GAS7: variants seen among roughly 807,000 people sequenced by gnomAD.
The protein encoded by GAS7 is growth arrest specific 7.
Under a neutral mutation model 71.1 loss-of-function variants are expected in GAS7, and 28 were observed. The ratio of observed to expected loss-of-function variants is 0.39; its 90% CI spans 0.29 to 0.54. The LOEUF is 0.54. Among genes scored for constraint, GAS7 ranks in the 20% least tolerant of loss-of-function variants. The pLI, the probability that GAS7 is intolerant of heterozygous loss-of-function variation, is 0.62. For synonymous variants in GAS7, 258 were observed against 245.8 expected, an observed-to-expected ratio of 1.05 and a Z score of -0.46; for missense variants, 436 against 627.8, an observed-to-expected ratio of 0.69 and a Z score of 3.27.
At chr17:10,132,676 G>A (rs11078833) in intron 1 of GAS7, among the ~76,000 whole-genome samples, 116,671 of 151,876 alleles carry the variant, frequency 0.77, 45,696 homozygotes, top group Non-Finnish European at 0.85. Context: ...GCTGAGGCAC[G>A]AGAGTCGCTT....
chr17:10,087,328 T>C (rs2073530220), intron 1 of GAS7, among the ~76,000 whole-genome samples: 1 of 152,160 alleles, frequency 6.6e-6, no homozygotes, highest in Admixed American at 6.5e-5. Context: ...TGAGGCACAC[T>C]CATGATCAAC....
At chr17:9,931,008 G>A (rs1369252013) in intron 9 of GAS7, among the ~76,000 whole-genome samples, 1 of 152,202 alleles carries the variant, frequency 6.6e-6, no homozygotes, top group African/African-American at 2.4e-5. Flanking sequence ...GCATGTGGTT[G>A]TCCAGGGCCA....
chr17:10,056,628 T>C (rs1022889913), intron 1 of GAS7, among the ~76,000 whole-genome samples: 5 of 152,170 alleles, frequency 3.3e-5, no homozygotes, highest in African/African-American at 7.2e-5. Flanking sequence ...TCCCAGCACT[T>C]TGGGAGGCCA....
chr17:10,054,155 C>T (rs1205984667), intron 1 of GAS7, among the ~76,000 whole-genome samples: 5 of 150,750 alleles, frequency 3.3e-5, no homozygotes, highest in South Asian at 2.1e-4. Flanking sequence ...GAAAGAGACT[C>T]TTTTAACTTT....
chr17:10,009,577 GC>G (rs1312112012), intron 2 of GAS7, among the ~76,000 whole-genome samples: 1 of 150,234 alleles, frequency 6.7e-6, no homozygotes, highest in African/African-American at 2.5e-5. Context: ...TGGTACTCAT[GC>G]CTGTAATCCC....
intron 1 of GAS7, among the ~76,000 whole-genome samples, chr17:10,077,233 A>T (rs148100220): frequency 6.6e-6 from 1 of 152,246 alleles, no homozygotes; most frequent in Non-Finnish European, 1.5e-5. Flanking sequence ...ACAGTAAACG[A>T]CAATAATCAG....
intron 2 of GAS7, among the ~76,000 whole-genome samples, chr17:9,988,425 G>A (rs2070721690): frequency 6.6e-6 from 1 of 152,168 alleles, no homozygotes; most frequent in Non-Finnish European, 1.5e-5. Context: ...ACATTCTCCT[G>A]GAGGCCCCTG....
chr17:9,990,458 A>C (rs1244905862), intron 2 of GAS7, among the ~76,000 whole-genome samples: 1 of 152,090 alleles, frequency 6.6e-6, no homozygotes, highest in Non-Finnish European at 1.5e-5. Flanking sequence ...TGACTGCCAC[A>C]ATCTATTAGT....
intron 1 of GAS7, among the ~76,000 whole-genome samples, chr17:10,136,331 C>T (rs1325133694): frequency 6.6e-6 from 1 of 152,130 alleles, no homozygotes; most frequent in Non-Finnish European, 1.5e-5. Context: ...ACATCCAAAC[C>T]CTTTAGTTAT....
rs571416606 is a variant in GAS7 at position 10,049,492 on chromosome 17, T to C, written c.184-29595A>G. Among the ~76,000 whole-genome samples the C allele has an allele frequency of 1.9e-3, 284 of 152,272 alleles. 1 individual carries two copies. Among genetic ancestry groups the C allele is most frequent in the Middle Eastern group, 6.8e-3 (2 of 292 alleles). On this transcript the variant is annotated intron_variant, in intron 1 of 13. Transcript: ENST00000432992. ...CACATTAACAAAGCTTATCTTTGTATTGGGGGATTCTCCGGTTGTTTCAAT... is the reference window on the plus strand; with the variant it reads ...CACATTAACAAAGCTTATCTTTGTACTGGGGGATTCTCCGGTTGTTTCAAT...
intron 3 of GAS7, among the ~76,000 whole-genome samples, chr17:9,979,207 CCTT>C (rs1184259645): frequency 3.3e-5 from 5 of 152,210 alleles, no homozygotes; most frequent in Non-Finnish European, 7.3e-5. Context: ...ATGTGCCTGT[CCTT>C]CTTCATCCTC....
chr17:10,128,109 G>A (rs1156582312), intron 1 of GAS7, among the ~76,000 whole-genome samples: 1 of 152,200 alleles, frequency 6.6e-6, no homozygotes. Flanking sequence ...GGGCCCCCGA[G>A]TCACACACGG....
chr17:10,153,519 CAAA>C (rs11476862), intron 1 of GAS7, among the ~76,000 whole-genome samples: 18 of 117,700 alleles, frequency 1.5e-4, no homozygotes, highest in African/African-American at 4.4e-4. Context: ...CTTTGACTCA[CAAA>C]AAAAAAAAAA....
intron 1 of GAS7, among the ~76,000 whole-genome samples, chr17:10,194,818 A>T (rs1229127606): frequency 6.7e-6 from 1 of 149,626 alleles, no homozygotes; most frequent in East Asian, 2.0e-4. Context: ...CTCAAAATAC[A>T]ACTGCACTCC....
rs542423696 is a variant in GAS7 at position 9,959,125 on chromosome 17, A to T, written c.525+77T>A. 1 of 1,510,106 alleles carries T rather than the reference A, an allele frequency of 6.6e-7. No individual in the cohort carries two copies. The highest frequency in any genetic ancestry group is 9.0e-7 in the Non-Finnish European group (1 of 1,112,052). 93.5% of individuals were successfully genotyped at this position (1,510,106 alleles called of 1,614,324 possible). A position where few individuals can be genotyped will look rare whatever the true frequency, so the allele number is the denominator to read the frequency against. ...GGGCATCACTTCTGCTTGGCGGTCC[A>T]CATCGCCATGGCAACAGCCCAGCCA... On this transcript the variant is annotated intron_variant, in intron 5 of 13. Coordinates refer to ENST00000432992, the MANE Select transcript of GAS7 (RefSeq NM_201433.2). This position sits in a 1 kb window ranked among gnomAD's most constrained non-coding sequence, Gnocchi z 5.0.
intron 1 of GAS7, among the ~76,000 whole-genome samples, chr17:10,167,139 C>T (rs2074301496): frequency 7.0e-6 from 1 of 143,402 alleles, no homozygotes; most frequent in Admixed American, 7.3e-5. Flanking sequence ...CTCACCGCAA[C>T]CTCCACCGCC....
chr17:10,184,753 G>C (rs1292596001), intron 1 of GAS7, among the ~76,000 whole-genome samples: 1 of 152,154 alleles, frequency 6.6e-6, no homozygotes, highest in Non-Finnish European at 1.5e-5. Context: ...TCACACTTCA[G>C]TGGATGCTAA....
In GAS7 at chr17:9,914,868, G is replaced by A. The variant is rs2067539853; in HGVS notation, c.*2360C>T. The A allele has an allele frequency of 8.6e-6, 2 of 231,756 alleles. No individual in the cohort carries two copies. Among genetic ancestry groups the A allele is most frequent in the Admixed American group, 5.6e-5 (1 of 17,730 alleles). The allele number at this position is 231,756 out of a possible 1,614,324, so 14.4% of individuals were successfully genotyped here. ...TGAATGCAGATTAATCAGAACAACA[G>A]ACTTACCTCTGAAAACTTAAATTCT... On this transcript the variant is annotated 3_prime_UTR_variant, in exon 14 of 14. Transcript: ENST00000432992.
rs182720194 is a variant in GAS7, at chr17:9,943,301, G to A, written c.616-65C>T. On this transcript the variant is annotated intron_variant, in intron 6 of 13. Coordinates refer to ENST00000432992, the MANE Select transcript of GAS7 (RefSeq NM_201433.2). ...TGAGTCTGGAGCCAGGGAGAATGGC[G>A]TAGAGGGAGGACGGCTCCTAGATGT... is the stretch of plus-strand genomic sequence containing the variant. 3.7e-4 allele frequency: 350 copies of A among 939,820 alleles called. 3 individuals are homozygous for A. Among genetic ancestry groups the A allele is most frequent in the South Asian group, 2.6e-3 (195 of 76,242 alleles). The allele number at this position is 939,820 out of a possible 1,614,324, so 58.2% of individuals were successfully genotyped here.
Sources: allele counts gnomAD v4.1 joint callset (sites outside exome capture counted in the v4.1 genomes callset), GRCh38; gene constraint gnomAD v4.1.1; non-coding constraint Gnocchi (gnomAD v3.1); transcripts MANE v1.5; gene names NCBI Gene and HGNC (gene_info 2026-07-23, HGNC 2026-07-21).